FHIT: variants seen among roughly 807,000 people sequenced by gnomAD.
FHIT encodes the protein bis(5'-adenosyl)-triphosphatase.
Under a neutral mutation model 17.9 loss-of-function variants are expected in FHIT, and 19 were observed. The observed-to-expected ratio is 1.06, with a 90% CI of 0.74 to 1.56. The LOEUF (loss-of-function observed/expected upper bound fraction) is 1.56. Ranked by LOEUF, FHIT falls within the 40% of genes most tolerant of loss-of-function variation. The pLI is 0.00. For missense variants in FHIT, 248 were observed against 189.2 expected, an observed-to-expected ratio of 1.31 and a Z score of -1.82; for synonymous variants, 81 against 69.7, an observed-to-expected ratio of 1.16 and a Z score of -0.81.
chr3:59,830,584 TA>T (rs1701130376), intron 8 of FHIT, among the ~76,000 whole-genome samples: 1 of 152,226 alleles, frequency 6.6e-6, no homozygotes, highest in African/African-American at 2.4e-5. Flanking sequence ...CCAACAGGCC[TA>T]ACATTAATCA....
intron 3 of FHIT, among the ~76,000 whole-genome samples, chr3:60,849,620 C>G (rs781953150): frequency 3.3e-5 from 5 of 151,912 alleles, no homozygotes; most frequent in Non-Finnish European, 5.9e-5. Context: ...CCGATCTGAT[C>G]TCTAAAAAGA....
intron 5 of FHIT, 95 bp from the exon 6 acceptor site, chr3:60,014,247 G>T: frequency 2.4e-6 from 3 of 1,242,638 alleles, no homozygotes; most frequent in Non-Finnish European, 3.4e-6. Context: ...CTCGGACCAG[G>T]GCCTGAACTC....
At chr3:60,560,400 C>A (rs2036895008) in intron 4 of FHIT, among the ~76,000 whole-genome samples, 1 of 152,068 alleles carries the variant, frequency 6.6e-6, no homozygotes, top group South Asian at 2.1e-4. Context: ...TCAGCCCCCT[C>A]CCAAGCAGAC....
chr3:60,410,309 G>A (rs145585905), intron 5 of FHIT, among the ~76,000 whole-genome samples: 355 of 152,180 alleles, frequency 2.3e-3, no homozygotes, highest in Non-Finnish European at 3.5e-3. Flanking sequence ...AAGCCTCTCC[G>A]GAGTTAAGGG....
intron 5 of FHIT, among the ~76,000 whole-genome samples, chr3:60,306,180 C>T (rs765682758): frequency 2.6e-5 from 4 of 152,126 alleles, no homozygotes; most frequent in Non-Finnish European, 5.9e-5. Context: ...TTATTAACTC[C>T]AGATTCTTTT....
At chr3:60,722,984 G>A (rs1366053782) in intron 4 of FHIT, among the ~76,000 whole-genome samples, 3 of 152,052 alleles carry the variant, frequency 2.0e-5, no homozygotes, top group Admixed American at 1.3e-4. Flanking sequence ...GCCTCCCAAA[G>A]TGCTGGGATT....
intron 4 of FHIT, among the ~76,000 whole-genome samples, chr3:60,693,558 G>A (rs1306582387): frequency 1.3e-5 from 2 of 152,166 alleles, no homozygotes; most frequent in South Asian, 2.1e-4. Context: ...AATATTAAGA[G>A]GGAATTGACA....
At chr3:60,030,509 T>A (rs1700956343) in intron 5 of FHIT, among the ~76,000 whole-genome samples, 1 of 152,222 alleles carries the variant, frequency 6.6e-6, no homozygotes, top group Non-Finnish European at 1.5e-5. Context: ...AAGGTATCCC[T>A]CCTTCCTTTT....
rs562143850 is a variant in FHIT, at chr3:60,571,670, A to C, written c.-17-34691T>G. Among the ~76,000 whole-genome samples, 9 of 152,250 alleles carry C rather than the reference A, an allele frequency of 5.9e-5. No individual in the cohort carries two copies. The East Asian group carries it at 1.6e-3, about 26-fold the overall frequency. Reference sequence around the variant, plus strand: ...AAGGCAGGCTTTAGAGGGAATAGAGAAACTTTTGGATTCAAAAGAAATACA... The same window carrying C: ...AAGGCAGGCTTTAGAGGGAATAGAGCAACTTTTGGATTCAAAAGAAATACA... On this transcript the variant is annotated intron_variant, in intron 4 of 9. Coordinates refer to ENST00000492590, the MANE Select transcript of FHIT (RefSeq NM_002012.4).
intron 5 of FHIT, among the ~76,000 whole-genome samples, chr3:60,120,770 A>G (rs7644751): frequency 0.29 from 44,647 of 152,068 alleles, 6,981 homozygotes; most frequent in Non-Finnish European, 0.35. Context: ...GATCCTAAAG[A>G]TGGTCCTGGG....
chr3:60,700,045 C>T (rs1559649397), intron 4 of FHIT, among the ~76,000 whole-genome samples: 1 of 150,714 alleles, frequency 6.6e-6, no homozygotes, highest in African/African-American at 2.4e-5. Context: ...GCAGGAGAAT[C>T]GCTTGAACCC....
chr3:60,465,701 G>A (rs2594234), intron 5 of FHIT, among the ~76,000 whole-genome samples: 1 of 152,026 alleles, frequency 6.6e-6, no homozygotes, highest in African/African-American at 2.4e-5. Flanking sequence ...GTTTGCTGTA[G>A]ATGTATGGAT....
At chr3:59,910,680 C>T (rs1209988487) in intron 8 of FHIT, among the ~76,000 whole-genome samples, 1 of 152,062 alleles carries the variant, frequency 6.6e-6, no homozygotes, top group Non-Finnish European at 1.5e-5. Context: ...AAAACAACAA[C>T]AACAAACAAA....
intron 5 of FHIT, among the ~76,000 whole-genome samples, chr3:60,033,981 C>G (rs1026607218): frequency 6.6e-6 from 1 of 152,104 alleles, no homozygotes; most frequent in African/African-American, 2.4e-5. Flanking sequence ...GAAAATACAC[C>G]GTCTCGTGAG....
intron 5 of FHIT, among the ~76,000 whole-genome samples, chr3:60,134,710 C>A (rs9876439): frequency 6.6e-6 from 1 of 152,162 alleles, no homozygotes; most frequent in Non-Finnish European, 1.5e-5. Context: ...AATGTAGACA[C>A]GTAAACATGC....
intron 5 of FHIT, among the ~76,000 whole-genome samples, chr3:60,469,219 T>C (rs410552): frequency 0.51 from 77,710 of 151,972 alleles, 22,512 homozygotes; most frequent in African/African-American, 0.78. Context: ...TTTGGAAGTT[T>C]TCTGTTATCC....
chr3:60,446,130 G>A (rs77063016), intron 5 of FHIT, among the ~76,000 whole-genome samples: 1 of 152,068 alleles, frequency 6.6e-6, no homozygotes, highest in Admixed American at 6.6e-5. Context: ...TGGAGTTCTT[G>A]AGAGTCCTGG....
chr3:61,131,734 AG>A (rs1407501338), intron 2 of FHIT, among the ~76,000 whole-genome samples: 2 of 152,234 alleles, frequency 1.3e-5, no homozygotes, highest in African/African-American at 4.8e-5. Flanking sequence ...AACTCAAAAA[AG>A]GTTTCGTTGT....
chr3:59,970,097 T>A (rs1708107530), intron 7 of FHIT, among the ~76,000 whole-genome samples: 1 of 152,066 alleles, frequency 6.6e-6, no homozygotes, highest in South Asian at 2.1e-4. Flanking sequence ...AGTTCCCAGC[T>A]AACACTACCT....
Sources: allele counts gnomAD v4.1 joint callset (sites outside exome capture counted in the v4.1 genomes callset), GRCh38; gene constraint gnomAD v4.1.1; transcripts MANE v1.5; gene names NCBI Gene and HGNC (gene_info 2026-07-23, HGNC 2026-07-21).